ANKS1B: variants seen among roughly 807,000 people sequenced by gnomAD.
ANKS1B encodes ankyrin repeat and sterile alpha motif domain containing 1B, also known as ankyrin repeat and sterile alpha motif domain-containing protein 1B.
In ANKS1B, 36 loss-of-function variants were observed where a neutral mutation model predicts 148.3. That is an observed-to-expected ratio of 0.24 (90% CI 0.19 to 0.32). The LOEUF is 0.32. Among genes scored for constraint, ANKS1B ranks in the 10% least tolerant of loss-of-function variants. The pLI is 1.00. For missense variants in ANKS1B, 1,157 were observed against 1,542.6 expected (o/e 0.75, Z 4.19); for synonymous variants, 542 against 560.8 (o/e 0.97, Z 0.47).
intron 1 of ANKS1B, among the ~76,000 whole-genome samples, chr12:99,978,663 T>C (rs1483529145): frequency 6.6e-6 from 1 of 152,190 alleles, no homozygotes; most frequent in Non-Finnish European, 1.5e-5. Flanking sequence ...GCCCAAATAG[T>C]TGTGAAAATT....
intron 14 of ANKS1B, among the ~76,000 whole-genome samples, chr12:99,218,097 T>C (rs1469069061): frequency 1.3e-5 from 2 of 152,138 alleles, no homozygotes; most frequent in African/African-American, 4.8e-5. Flanking sequence ...TCTAGCACCA[T>C]ACTCTAGAGG....
At chr12:98,924,080 T>C (rs2099804876) in intron 17 of ANKS1B, among the ~76,000 whole-genome samples, 1 of 152,274 alleles carries the variant, frequency 6.6e-6, no homozygotes, top group Middle Eastern at 3.4e-3. Flanking sequence ...CCTAGATTCT[T>C]CCTATTTCTC....
intron 17 of ANKS1B, among the ~76,000 whole-genome samples, chr12:98,839,285 C>T (rs753033573): frequency 4.6e-5 from 7 of 152,120 alleles, no homozygotes; most frequent in Non-Finnish European, 7.4e-5. Flanking sequence ...GAAAAAATAT[C>T]GAGTCCTCCA....
At chr12:98,850,413 A>G (rs528776461) in intron 17 of ANKS1B, among the ~76,000 whole-genome samples, 65 of 143,144 alleles carry the variant, frequency 4.5e-4, no homozygotes, top group African/African-American at 1.5e-3. Context: ...AGGCTTATAC[A>G]TTGTTTTCCA....
intron 17 of ANKS1B, among the ~76,000 whole-genome samples, chr12:98,898,450 AC>A (rs2099767785): frequency 2.6e-5 from 4 of 152,182 alleles, no homozygotes; most frequent in Admixed American, 2.0e-4. Flanking sequence ...AGGTACCAGA[AC>A]AGCATAAAGG....
chr12:99,233,854 T>C (rs79466343), intron 14 of ANKS1B, among the ~76,000 whole-genome samples: 2,132 of 152,212 alleles, frequency 0.014, 33 homozygotes, highest in Non-Finnish European at 0.019. Flanking sequence ...TTCATATTTA[T>C]AGGAATAAAG....
intron 17 of ANKS1B, among the ~76,000 whole-genome samples, chr12:98,902,596 G>T (rs1280053609): frequency 6.6e-6 from 1 of 152,162 alleles, no homozygotes; most frequent in Non-Finnish European, 1.5e-5. Context: ...AAAGTCCATG[G>T]ACTCCGACCG....
chr12:98,841,430 T>C (rs1433642664), intron 17 of ANKS1B, among the ~76,000 whole-genome samples: 1 of 152,108 alleles, frequency 6.6e-6, no homozygotes, highest in East Asian at 1.9e-4. Context: ...TTAGCTACTT[T>C]AATGGCATAT....
chr12:99,486,465 T>TATTC (rs1303400760), intron 10 of ANKS1B, among the ~76,000 whole-genome samples: 1 of 146,820 alleles, frequency 6.8e-6, no homozygotes, highest in Non-Finnish European at 1.5e-5. Context: ...CTTATTTATT[T>TATTC]ATTTATTTAT....
intron 15 of ANKS1B, among the ~76,000 whole-genome samples, chr12:99,087,570 G>A (rs1238084012): frequency 1.3e-5 from 2 of 152,140 alleles, no homozygotes; most frequent in African/African-American, 4.8e-5. Context: ...TAGAGAAAGC[G>A]TTATTATTTC....
intron 9 of ANKS1B, among the ~76,000 whole-genome samples, chr12:99,625,889 G>T (rs188071113): frequency 6.6e-6 from 1 of 152,176 alleles, no homozygotes; most frequent in Admixed American, 6.6e-5. Context: ...TCTAGTGGTG[G>T]CTGAGGTATA....
chr12:99,605,440 A>C, intron 9 of ANKS1B, among the ~76,000 whole-genome samples: 1 of 151,968 alleles, frequency 6.6e-6, no homozygotes, highest in East Asian at 1.9e-4. Flanking sequence ...CATCCTATCT[A>C]GTTGTAACTT....
chr12:99,394,545 T>C (rs1315501537), intron 12 of ANKS1B, among the ~76,000 whole-genome samples: 3 of 151,394 alleles, frequency 2.0e-5, no homozygotes, highest in African/African-American at 4.8e-5. Context: ...CCCAATATTG[T>C]TAAATCCATG....
chr12:99,041,875 C>T (rs137897515), intron 17 of ANKS1B, among the ~76,000 whole-genome samples: 9 of 152,062 alleles, frequency 5.9e-5, no homozygotes, highest in African/African-American at 1.7e-4. Context: ...TGGTGGTGTG[C>T]GCCTAGTCCC....
At chr12:99,460,335 C>T (rs2152852096) in intron 10 of ANKS1B, among the ~76,000 whole-genome samples, 1 of 152,162 alleles carries the variant, frequency 6.6e-6, no homozygotes, top group Admixed American at 6.5e-5. Context: ...TTGGAAAAAC[C>T]TTTCTAGACA....
In ANKS1B at chr12:99,086,436, G is replaced by T. The variant is rs537518975; in HGVS notation, c.2527-1413C>A. 3.3e-5 allele frequency among the ~76,000 whole-genome samples: 5 copies of T among 152,272 alleles called. No individual in the cohort carries two copies. In the South Asian group the frequency reaches 1.0e-3, roughly 32 times the overall value. On this transcript the variant is annotated intron_variant, in intron 15 of 26. Coordinates refer to ENST00000683438, the MANE Select transcript of ANKS1B (RefSeq NM_001352186.2). The stretch of plus-strand genomic sequence containing the variant: ...GCAGAGGGCAGACCATACAGATATT[G>T]CATGCCATGCTGAGGGCTTCAGACT...
At chr12:99,805,263 CAAAAAAAAA>C (rs58248573) in intron 4 of ANKS1B, among the ~76,000 whole-genome samples, 6 of 28,914 alleles carry the variant, frequency 2.1e-4, no homozygotes, top group South Asian at 2.7e-3. Flanking sequence ...GAGGAAAAGG[CAAAAAAAAA>C]AAAAAAAAAA....
At chr12:99,308,309 G>A (rs2082636830) in intron 12 of ANKS1B, among the ~76,000 whole-genome samples, 1 of 151,962 alleles carries the variant, frequency 6.6e-6, no homozygotes, top group African/African-American at 2.4e-5. Flanking sequence ...CTTTAAATGT[G>A]TTGATTATCA....
At chr12:99,137,853 G>A (rs963263181) in intron 15 of ANKS1B, among the ~76,000 whole-genome samples, 7 of 151,926 alleles carry the variant, frequency 4.6e-5, no homozygotes, top group Non-Finnish European at 1.0e-4. Context: ...TCTATCAAGA[G>A]GTAAACCTGA....
Sources: gnomAD v4.1 joint callset for allele counts (sites outside exome capture counted in the v4.1 genomes callset) on GRCh38, gnomAD v4.1.1 for gene constraint, MANE v1.5 for transcripts, NCBI Gene and HGNC (gene_info 2026-07-23, HGNC 2026-07-21) for gene names.